The following MRPS28 variants were observed in gnomAD, a reference collection of about 807,000 sequenced individuals.
MRPS28 encodes mitochondrial ribosomal protein S28, also known as small ribosomal subunit protein bS1m.
In MRPS28, 7 loss-of-function variants were observed where a neutral mutation model predicts 10.8. That is an observed-to-expected ratio of 0.65 (90% CI 0.37 to 1.22). The LOEUF (loss-of-function observed/expected upper bound fraction) is 1.22. Ranked by LOEUF, MRPS28 falls within the 50% of genes most tolerant of loss-of-function variation. MRPS28 has a pLI of 0.02. For synonymous variants in MRPS28, 121 were observed against 93.3 expected, an observed-to-expected ratio of 1.30 and a Z score of -1.71; for missense variants, 265 against 232.9, an observed-to-expected ratio of 1.14 and a Z score of -0.90.
intron 1 of MRPS28, among the ~76,000 whole-genome samples, chr8:80,007,246 C>T (rs1319337509): frequency 1.3e-5 from 2 of 151,992 alleles, no homozygotes; most frequent in Non-Finnish European, 2.9e-5. Flanking sequence ...AACTCTCAAG[C>T]AATTAGGTAT....
chr8:79,925,997 GAA>G (rs1158532607), intron 2 of MRPS28, among the ~76,000 whole-genome samples: 1 of 79,584 alleles, frequency 1.3e-5, no homozygotes. Context: ...GAAAAGAAAA[GAA>G]AAAAAAAAAA....
chr8:79,981,244 C>T (rs141261447), intron 2 of MRPS28, among the ~76,000 whole-genome samples: 64 of 152,196 alleles, frequency 4.2e-4, no homozygotes, highest in African/African-American at 1.4e-3. Context: ...GTGGGTGAAT[C>T]GCTTGAACCC....
intron 2 of MRPS28, among the ~76,000 whole-genome samples, chr8:79,929,867 G>C (rs902796509): frequency 1.2e-4 from 19 of 152,086 alleles, no homozygotes; most frequent in African/African-American, 4.6e-4. Flanking sequence ...TTATGATTCT[G>C]TGACCCAGAA....
At chr8:79,989,463 C>T (rs1018609127) in intron 2 of MRPS28, among the ~76,000 whole-genome samples, 1 of 151,982 alleles carries the variant, frequency 6.6e-6, no homozygotes, top group East Asian at 1.9e-4. Flanking sequence ...AAGAAATCTA[C>T]GAGAAATGAA....
At chr8:80,020,829 C>CAGG (rs1253482027) in intron 1 of MRPS28, among the ~76,000 whole-genome samples, 1 of 152,142 alleles carries the variant, frequency 6.6e-6, no homozygotes, top group Non-Finnish European at 1.5e-5. Context: ...GGAAAAAGGT[C>CAGG]AGGTTGTAAC....
intron 2 of MRPS28, among the ~76,000 whole-genome samples, chr8:79,982,977 GACGC>G (rs1808015011): frequency 2.0e-4 from 3 of 15,078 alleles, no homozygotes; most frequent in Non-Finnish European, 3.1e-4. Context: ...GTGGGTCCCT[GACGC>G]CTGACCCCCG....
Position 80,003,131 on chromosome 8 carries a change from G to A in MRPS28, c.263C>T (p.Pro88Leu), listed in dbSNP as rs192416113. 3 of 1,609,064 alleles carry A rather than the reference G, an allele frequency of 1.9e-6. No homozygotes were observed. The East Asian group carries it at 6.7e-5, about 36-fold the overall frequency. Residue 88 changes from proline to leucine, a missense_variant, in exon 2 of 3, where the codon CCT becomes CTT. Transcript: ENST00000276585. ...CTTTGCAGGTCCCATCTGTGTAAGA[G>A]GAGAATGTCTCAGCATAGATGCAAA... is the stretch of plus-strand genomic sequence containing the variant. Reference protein sequence around the residue: ...ESFASMLRHSPLTQMGPAKDK... With the variant: ...ESFASMLRHSLLTQMGPAKDK...
At chr8:80,004,342 C>G (rs1463431659) in intron 1 of MRPS28, among the ~76,000 whole-genome samples, 4 of 152,220 alleles carry the variant, frequency 2.6e-5, no homozygotes, top group South Asian at 2.1e-4. Context: ...ATTCGCTGTT[C>G]CGCAGCCTCT....
intron 1 of MRPS28, among the ~76,000 whole-genome samples, chr8:80,016,025 G>T (rs867505251): frequency 3.2e-4 from 49 of 151,988 alleles, no homozygotes; most frequent in African/African-American, 1.1e-3. Flanking sequence ...GGGAAAAATT[G>T]AACAGAATAT....
chr8:80,009,559 T>C (rs567401486), intron 1 of MRPS28, among the ~76,000 whole-genome samples: 3 of 151,668 alleles, frequency 2.0e-5, no homozygotes, highest in Non-Finnish European at 4.4e-5. Context: ...GAGGTTACGG[T>C]GAGCCGAGAT....
intron 2 of MRPS28, among the ~76,000 whole-genome samples, chr8:79,955,623 C>T (rs1381538935): frequency 1.3e-5 from 2 of 152,082 alleles, no homozygotes; most frequent in Non-Finnish European, 2.9e-5. Context: ...GCCAGTGTCA[C>T]ATGTTTTAGG....
intron 2 of MRPS28, among the ~76,000 whole-genome samples, chr8:79,982,052 G>A (rs956597149): frequency 4.6e-5 from 7 of 152,222 alleles, no homozygotes; most frequent in South Asian, 2.1e-4. Context: ...TTCAAGACCC[G>A]CCTGGCCAAC....
chr8:80,024,831 TAAAACAG>T (rs1380547566), intron 1 of MRPS28, among the ~76,000 whole-genome samples: 1 of 152,182 alleles, frequency 6.6e-6, no homozygotes, highest in Non-Finnish European at 1.5e-5. Context: ...GAAAACAGGA[TAAAACAG>T]GTTTGTAAAT....
At chr8:79,942,435 G>C (rs972737377) in intron 2 of MRPS28, among the ~76,000 whole-genome samples, 5 of 152,102 alleles carry the variant, frequency 3.3e-5, no homozygotes, top group Non-Finnish European at 5.9e-5. Flanking sequence ...TGACATCTTT[G>C]GGATTTTGAA....
Position 80,006,522 on chromosome 8 carries a change from A to C in MRPS28, c.214-3342T>G, listed in dbSNP as rs541488174. ...GGATCAACAAAATTGATAGACCGCT[A>C]GCAAGGCTAATAAAGAAGAAAAGAG... On this transcript the variant is annotated intron_variant, in intron 1 of 2. Coordinates refer to ENST00000276585, the MANE Select transcript of MRPS28 (RefSeq NM_014018.3). 2.6e-5 allele frequency among the ~76,000 whole-genome samples: 4 copies of C among 152,340 alleles called. No individual in the cohort carries two copies. The South Asian group carries it at 8.3e-4, about 32-fold the overall frequency.
intron 2 of MRPS28, among the ~76,000 whole-genome samples, chr8:79,985,763 C>G (rs899320566): frequency 3.9e-5 from 6 of 152,158 alleles, no homozygotes; most frequent in African/African-American, 1.2e-4. Flanking sequence ...ATAACAGGCT[C>G]TGAAATTGTG....
At chr8:80,023,214 C>T (rs1347335387) in intron 1 of MRPS28, among the ~76,000 whole-genome samples, 1 of 152,146 alleles carries the variant, frequency 6.6e-6, no homozygotes, top group Non-Finnish European at 1.5e-5. Flanking sequence ...ATCGTTAAAA[C>T]CAGAAACATT....
intron 1 of MRPS28, 33 bp downstream of exon 1, chr8:80,030,003 C>G (rs765434573): frequency 6.2e-7 from 1 of 1,604,272 alleles, no homozygotes; most frequent in Non-Finnish European, 8.5e-7. Context: ...TGGCGTAATT[C>G]CCGCGACTCC....
intron 1 of MRPS28, among the ~76,000 whole-genome samples, chr8:80,005,922 CAAG>C (rs1808828525): frequency 6.6e-6 from 1 of 152,200 alleles, no homozygotes; most frequent in African/African-American, 2.4e-5. Flanking sequence ...ATCAATTCAA[CAAG>C]AAGAGCTAAC....
Sources: gnomAD v4.1 joint callset for allele counts (sites outside exome capture counted in the v4.1 genomes callset) on GRCh38, gnomAD v4.1.1 for gene constraint, MANE v1.5 for transcripts, NCBI Gene and HGNC (gene_info 2026-07-23, HGNC 2026-07-21) for gene names.